The following F11 variants were observed in gnomAD, a reference collection of about 807,000 sequenced individuals.
The protein encoded by F11 is coagulation factor XI, also known as coagualtion factor XI.
In F11, 78 loss-of-function variants were observed where a neutral mutation model predicts 76.5. That is an observed-to-expected ratio of 1.02 (90% CI 0.85 to 1.23). F11 has a LOEUF of 1.23. Among genes scored for constraint, F11 ranks in the 50% most tolerant of loss-of-function variants. F11 has a pLI of 0.00. For missense variants in F11, 742 were observed against 771.4 expected, an observed-to-expected ratio of 0.96 and a Z score of 0.45; for synonymous variants, 278 against 276.3, an observed-to-expected ratio of 1.01 and a Z score of -0.06.
At chr4:186,285,944 A>G (rs113551323) in intron 12 of F11, 131 bp downstream of exon 12, 11 of 1,008,808 alleles carry the variant, frequency 1.1e-5, no homozygotes, top group African/African-American at 6.4e-5. Context: ...AGGGCCTGGA[A>G]TGCTAGTCAT....
intron 10 of F11, chr4:186,282,446 G>C (rs1387153208): frequency 1.0e-6 from 1 of 985,178 alleles, no homozygotes; most frequent in Non-Finnish European, 1.2e-6. Context: ...GATATTTATG[G>C]TGCCTTGTCT....
chr4:186,269,578 G>A (rs1281133283), intron 2 of F11, among the ~76,000 whole-genome samples: 1 of 152,158 alleles, frequency 6.6e-6, no homozygotes, highest in Non-Finnish European at 1.5e-5. Context: ...TAGAACAGAG[G>A]TTGCCAGGGG....
chr4:186,285,501 TA>T, intron 11 of F11, 136 bp from the exon 12 acceptor site: 1 of 882,594 alleles, frequency 1.1e-6, no homozygotes. Context: ...AATCTTAGGA[TA>T]AAATCACTTT....
In F11 at chr4:186,284,203, G is replaced by A. The variant is rs779802284; in HGVS notation, c.1247G>A (p.Cys416Tyr). The change falls in exon 11 of 15, where the codon TGT becomes TAT. Residue 416 changes from cysteine to tyrosine, a missense_variant. Cys to Tyr is a radical substitution (Grantham distance 194). Coordinates refer to ENST00000403665, the MANE Select transcript of F11 (RefSeq NM_000128.4). ...ACCTCACCCACTCAGAGACACCTGT[G>A]TGGAGGCTCCATCATTGGAAACCAG... ...HTTSPTQRHL[C>Y]GGSIIGNQWI... 2.7e-5 allele frequency: 44 copies of A among 1,614,108 alleles called. No individual in the cohort carries two copies. Among genetic ancestry groups the A allele is most frequent in the Middle Eastern group, 1.6e-4 (1 of 6,084 alleles).
chr4:186,277,057 A>C (rs1580082677), intron 7 of F11, among the ~76,000 whole-genome samples: 1 of 151,960 alleles, frequency 6.6e-6, no homozygotes, highest in African/African-American at 2.4e-5. Context: ...ACCCTCCTCT[A>C]TCCTCCCAAC....
Position 186,280,563 on chromosome 4 carries a change from T to C in F11, c.1118T>C (p.Leu373Ser), listed in dbSNP as rs375440170. The change falls in exon 10 of 15, where the codon TTG (leucine) becomes TCG (serine). Residue 373 changes from leucine (L) to serine (S), a missense_variant. By Grantham distance (145) the Leu-to-Ser change is moderately radical. Transcript: ENST00000403665. ...RGGISGYTLR[L>S]CKMDNECTTK... Reference sequence around the variant, plus strand: ...GGCATCTCTGGATACACATTAAGGTTGTGTAAAATGGATAATGGTGAGTAT... The same window carrying C: ...GGCATCTCTGGATACACATTAAGGTCGTGTAAAATGGATAATGGTGAGTAT... 84 of 1,613,180 alleles carry C rather than the reference T, an allele frequency of 5.2e-5. No homozygotes were observed. Among genetic ancestry groups the C allele is most frequent in the African/African-American group, 6.7e-5 (5 of 74,902 alleles).
chr4:186,269,314 G>A (rs1302736851), intron 2 of F11, among the ~76,000 whole-genome samples: 3 of 152,156 alleles, frequency 2.0e-5, no homozygotes, highest in African/African-American at 7.2e-5. Context: ...TCTCATAGCA[G>A]CATTATTCAC....
intron 2 of F11, among the ~76,000 whole-genome samples, 165 bp downstream of exon 2, chr4:186,267,356 A>C (rs1441253830): frequency 6.6e-6 from 1 of 152,184 alleles, no homozygotes; most frequent in Non-Finnish European, 1.5e-5. Flanking sequence ...GTAGGAATTG[A>C]GGTGAAAAAA....
intron 2 of F11, among the ~76,000 whole-genome samples, chr4:186,271,347 C>A (rs921465790): frequency 1.3e-5 from 2 of 152,236 alleles, no homozygotes; most frequent in Admixed American, 6.5e-5. Context: ...GATTCAATTA[C>A]CCTCAAAGCA....
At chr4:186,273,241 G>A in intron 4 of F11, 64 bp downstream of exon 4, 2 of 1,279,048 alleles carry the variant, frequency 1.6e-6, no homozygotes, top group Non-Finnish European at 2.3e-6. Context: ...CACATCGGAT[G>A]TGGTTTTAAG....
intron 2 of F11, among the ~76,000 whole-genome samples, chr4:186,268,086 C>G (rs1198240259): frequency 6.6e-6 from 1 of 152,038 alleles, no homozygotes; most frequent in Non-Finnish European, 1.5e-5. Context: ...ACAATTGACC[C>G]TGAATCAGGG....
chr4:186,286,599 C>G, intron 13 of F11, 89 bp downstream of exon 13: 2 of 1,588,418 alleles, frequency 1.3e-6, no homozygotes, highest in Non-Finnish European at 1.7e-6. Context: ...TGAAGCACAA[C>G]TCGAGTCACA....
chr4:186,270,301 T>C (rs1267867912), intron 2 of F11, among the ~76,000 whole-genome samples: 1 of 152,220 alleles, frequency 6.6e-6, no homozygotes, highest in Admixed American at 6.5e-5. Context: ...GTGTTCCACA[T>C]CCATGCACTC....
At chr4:186,271,921 T>A (rs1739998085) in intron 3 of F11, 150 bp downstream of exon 3, 1 of 986,504 alleles carries the variant, frequency 1.0e-6, no homozygotes, top group Non-Finnish European at 1.5e-6. Flanking sequence ...CAGAAAGAAG[T>A]GATGGTGTTT....
In F11 at chr4:186,289,499, G is replaced by A. The variant is rs4253432; in HGVS notation, c.*885G>A. Among the ~76,000 whole-genome samples the A allele has an allele frequency of 0.012, 1,812 of 152,192 alleles. 14 individuals are homozygous for A. The highest frequency in any genetic ancestry group is 0.026 in the African/African-American group (1,077 of 41,522). ...ACTACAGAGAAAAAACAATTAGGGCGCAAATGGATAGTTACAGTAAAGTCT... is the reference window on the plus strand; with the variant it reads ...ACTACAGAGAAAAAACAATTAGGGCACAAATGGATAGTTACAGTAAAGTCT... On this transcript the variant is annotated 3_prime_UTR_variant, in exon 15 of 15. Coordinates refer to ENST00000403665, the MANE Select transcript of F11 (RefSeq NM_000128.4).
chr4:186,286,166 G>A, intron 12 of F11: 1 of 529,688 alleles, frequency 1.9e-6, no homozygotes, highest in Non-Finnish European at 3.4e-6. Flanking sequence ...TAAGCAACTT[G>A]TGCAGGATCA....
rs28934609 is a variant in F11 at position 186,288,518 on chromosome 4, C to T, written c.1782C>T (p.Ser594=). ...TCTGGCATCTGGTAGGCATCACGAG[C>T]TGGGGCGAAGGCTGTGCTCAAAGGG... ...NEVWHLVGIT[S]WGEGCAQRER... is the part of the protein sequence containing the mutation. The change falls in exon 15 of 15, where the codon AGC becomes AGT. Residue 594 remains serine (S), a synonymous_variant. Transcript: ENST00000403665. The T allele has an allele frequency of 1.2e-6, 2 of 1,614,144 alleles. No homozygotes were observed. The highest frequency in any genetic ancestry group is 1.7e-6 in the Non-Finnish European group (2 of 1,180,022).
intron 5 of F11, chr4:186,275,136 T>A (rs1256096997): frequency 4.4e-6 from 2 of 456,876 alleles, no homozygotes; most frequent in Non-Finnish European, 8.8e-6. Flanking sequence ...CTTAACAGAA[T>A]GTGAACTGCA....
At chr4:186,274,051 A>T in intron 4 of F11, 65 bp from the exon 5 acceptor site, 2 of 1,572,422 alleles carry the variant, frequency 1.3e-6, no homozygotes, top group Non-Finnish European at 1.8e-6. Context: ...GTCAGGAGGG[A>T]CAGTTGCTTA....
Sources: allele counts gnomAD v4.1 joint callset (sites outside exome capture counted in the v4.1 genomes callset), GRCh38; gene constraint gnomAD v4.1.1; transcripts MANE v1.5; gene names NCBI Gene and HGNC (gene_info 2026-07-23, HGNC 2026-07-21).